PREP: variants seen among roughly 807,000 people sequenced by gnomAD.
PREP encodes prolyl endopeptidase.
Under a neutral mutation model 87.6 loss-of-function variants are expected in PREP, and 29 were observed. The ratio of observed to expected loss-of-function variants is 0.33; its 90% CI spans 0.25 to 0.45. The LOEUF is 0.45. PREP is among the 20% of genes least tolerant of loss of function. PREP has a pLI of 1.00. For missense variants in PREP, 695 were observed against 886.5 expected (o/e 0.78, Z 2.74); for synonymous variants, 337 against 328.6 (o/e 1.03, Z -0.28).
intron 6 of PREP, among the ~76,000 whole-genome samples, chr6:105,367,533 G>A (rs997080790): frequency 2.0e-5 from 3 of 151,688 alleles, no homozygotes; most frequent in African/African-American, 4.8e-5. Flanking sequence ...TATGCCGGGC[G>A]TAGTGGCGGG....
At chr6:105,297,749 T>A (rs962660121) in intron 10 of PREP, among the ~76,000 whole-genome samples, 2 of 152,232 alleles carry the variant, frequency 1.3e-5, no homozygotes, top group Non-Finnish European at 2.9e-5. Flanking sequence ...CACAGAGCCC[T>A]GTCTTCCTTC....
At chr6:105,279,180 A>ATAGGGGTGTCATGTTTT (rs1256731977) in intron 14 of PREP, 5 of 152,186 alleles carry the variant, frequency 3.3e-5, no homozygotes, top group Non-Finnish European at 7.4e-5. Context: ...CATTCTCCTA[A>ATAGGGGTGTCATGTTTT]TAGGGGTGTC....
At chr6:105,326,208 T>G (rs1052571511) in intron 9 of PREP, among the ~76,000 whole-genome samples, 32 of 152,214 alleles carry the variant, frequency 2.1e-4, no homozygotes, top group African/African-American at 6.3e-4. Context: ...TTCTCACCCC[T>G]GACTCCCAGA....
chr6:105,289,883 C>G (rs941158160), intron 10 of PREP, among the ~76,000 whole-genome samples: 2 of 152,010 alleles, frequency 1.3e-5, no homozygotes, highest in Non-Finnish European at 2.9e-5. Context: ...TTATCCATAG[C>G]TTTTTAAGGT....
At chr6:105,318,543 T>A (rs1169045602) in intron 10 of PREP, among the ~76,000 whole-genome samples, 1 of 152,186 alleles carries the variant, frequency 6.6e-6, no homozygotes, top group Non-Finnish European at 1.5e-5. Flanking sequence ...GATACAAGTA[T>A]GTACACTCTG....
intron 2 of PREP, among the ~76,000 whole-genome samples, chr6:105,381,036 G>A (rs1307201368): frequency 6.6e-6 from 1 of 152,166 alleles, no homozygotes; most frequent in Non-Finnish European, 1.5e-5. Flanking sequence ...CACATATAAA[G>A]TTTTCATAAA....
At chr6:105,306,749 C>A (rs1418652401) in intron 10 of PREP, among the ~76,000 whole-genome samples, 5 of 151,856 alleles carry the variant, frequency 3.3e-5, no homozygotes, top group Non-Finnish European at 1.5e-5. Context: ...ACCACCACCA[C>A]CATCCCCGCC....
intron 1 of PREP, among the ~76,000 whole-genome samples, chr6:105,400,391 C>T (rs1256517803): frequency 6.6e-6 from 1 of 152,204 alleles, no homozygotes; most frequent in Non-Finnish European, 1.5e-5. Context: ...TCTTTCCAGC[C>T]CCATGCAAAT....
At chr6:105,401,120 C>G (rs1233279711) in intron 1 of PREP, among the ~76,000 whole-genome samples, 1 of 152,140 alleles carries the variant, frequency 6.6e-6, no homozygotes, top group Non-Finnish European at 1.5e-5. Context: ...CACAGTATAC[C>G]CTTCCGAGTT....
In PREP at chr6:105,281,736, A is replaced by G; in HGVS notation, c.1838+10T>C. The G allele has an allele frequency of 3.1e-6, 5 of 1,612,504 alleles. No individual in the cohort carries two copies. The highest frequency in any genetic ancestry group is 4.2e-6 in the Non-Finnish European group (5 of 1,179,430). Reference sequence around the variant, plus strand: ...CCACTAACAACATATATATGTCAATAAAACCTTACTTGACAAGCCATTCAA... The same window carrying G: ...CCACTAACAACATATATATGTCAATGAAACCTTACTTGACAAGCCATTCAA... On this transcript the variant is annotated intron_variant, in intron 14 of 14. Coordinates refer to ENST00000652536, the MANE Select transcript of PREP (RefSeq NM_002726.5).
At position 105,308,554 on chromosome 6, in the gene PREP, A is replaced by C. The variant is rs1017555331; in HGVS notation, c.1317+15111T>G. Among the ~76,000 whole-genome samples the C allele has an allele frequency of 2.6e-5, 4 of 152,234 alleles. 1 individual carries two copies. The highest frequency in any genetic ancestry group is 5.9e-5 in the Non-Finnish European group (4 of 68,050). On this transcript the variant is annotated intron_variant, in intron 10 of 14. Coordinates refer to ENST00000652536, the MANE Select transcript of PREP (RefSeq NM_002726.5). The stretch of plus-strand genomic sequence containing the variant: ...TAGATCACACAAAAAATTTCACAGA[A>C]GTAAAACTCGTAGTACAACATTCAC...
intron 10 of PREP, chr6:105,302,738 G>T (rs895600528): frequency 1.2e-5 from 6 of 507,384 alleles, no homozygotes; most frequent in Non-Finnish European, 2.3e-5. Flanking sequence ...GCGCAGCTGG[G>T]ACAGCTCCAC....
chr6:105,366,937 G>A (rs1184551668), intron 6 of PREP, among the ~76,000 whole-genome samples: 1 of 152,186 alleles, frequency 6.6e-6, no homozygotes, highest in East Asian at 1.9e-4. Context: ...GTGGTGGGTG[G>A]AGAGGGGTGG....
chr6:105,345,057 A>T (rs1171237365), intron 7 of PREP, among the ~76,000 whole-genome samples: 1 of 152,234 alleles, frequency 6.6e-6, no homozygotes, highest in Non-Finnish European at 1.5e-5. Flanking sequence ...GGATGTTTTA[A>T]ATGAGAGCTC....
At chr6:105,367,275 T>C (rs987932044) in intron 6 of PREP, among the ~76,000 whole-genome samples, 1 of 152,116 alleles carries the variant, frequency 6.6e-6, no homozygotes, top group Admixed American at 6.5e-5. Context: ...GGAGAAGATG[T>C]AGTAGATAGA....
At chr6:105,301,613 A>G (rs1299129212) in intron 10 of PREP, among the ~76,000 whole-genome samples, 1 of 152,248 alleles carries the variant, frequency 6.6e-6, no homozygotes, top group Non-Finnish European at 1.5e-5. Flanking sequence ...ATCTTTGGGC[A>G]GAAAATACAG....
Position 105,277,916 on chromosome 6 carries a change from A to G in PREP, c.*228T>C. ...CCAACATGCCCTTAAAAAAAACACC[A>G]AAAAACCACATGTGCCTAGACAGGG... On this transcript the variant is annotated 3_prime_UTR_variant, in exon 15 of 15. Coordinates refer to ENST00000652536, the MANE Select transcript of PREP (RefSeq NM_002726.5). 1 of 611,308 alleles carries G rather than the reference A, an allele frequency of 1.6e-6. No individual in the cohort carries two copies. Among genetic ancestry groups the G allele is most frequent in the Non-Finnish European group, 2.8e-6 (1 of 362,746 alleles). 37.9% of individuals were successfully genotyped at this position (611,308 alleles called of 1,614,324 possible).
chr6:105,395,545 T>A (rs1257821738), intron 2 of PREP, among the ~76,000 whole-genome samples: 1 of 152,034 alleles, frequency 6.6e-6, no homozygotes, highest in Non-Finnish European at 1.5e-5. Flanking sequence ...ATGGTAACCA[T>A]CCAAGAAATG....
intron 6 of PREP, 114 bp from the exon 7 acceptor site, chr6:105,353,191 CCCAAACTCATGA>C: frequency 4.1e-6 from 3 of 740,716 alleles, no homozygotes; most frequent in Non-Finnish European, 6.6e-6. Flanking sequence ...GTGTCTCTGC[CCCAAACTCATGA>C]TCTGATAAGA....
Sources: gnomAD v4.1 joint callset for allele counts (sites outside exome capture counted in the v4.1 genomes callset) on GRCh38, gnomAD v4.1.1 for gene constraint, MANE v1.5 for transcripts, NCBI Gene and HGNC (gene_info 2026-07-23, HGNC 2026-07-21) for gene names.